Variants in CNTN5 observed in about 807,000 individuals in gnomAD.
CNTN5 encodes contactin 5.
CNTN5 carries 77 observed loss-of-function variants against 129.1 expected under a neutral mutation model. That is an observed-to-expected ratio of 0.60 (90% CI 0.50 to 0.72). CNTN5 has a LOEUF of 0.72. CNTN5 is among the 30% of genes least tolerant of loss of function. The probability of loss-of-function intolerance (pLI) is 0.00; values close to 1 mark genes in which losing one functional copy is unlikely to be tolerated. For missense variants in CNTN5, 1,478 were observed against 1,328.8 expected (o/e 1.11, Z -1.75); for synonymous variants, 509 against 465.6 (o/e 1.09, Z -1.20).
intron 3 of CNTN5, among the ~76,000 whole-genome samples, chr11:99,658,296 A>G (rs1307249850): frequency 1.3e-5 from 2 of 152,266 alleles, no homozygotes; most frequent in East Asian, 1.9e-4. Context: ...TAAATAATTG[A>G]TAATACAAAA....
chr11:100,259,090 G>A (rs1950141970), intron 17 of CNTN5, among the ~76,000 whole-genome samples: 1 of 152,074 alleles, frequency 6.6e-6, no homozygotes, highest in Non-Finnish European at 1.5e-5. Context: ...AAAATAAAGG[G>A]ATGGAGAAAG....
chr11:99,381,170 A>G (rs1940535250), intron 2 of CNTN5, among the ~76,000 whole-genome samples: 2 of 147,716 alleles, frequency 1.4e-5, no homozygotes, highest in South Asian at 2.2e-4. Flanking sequence ...GAAAAAAAAA[A>G]CAAACCAAAT....
At chr11:99,523,124 G>A (rs1947330608) in intron 2 of CNTN5, among the ~76,000 whole-genome samples, 1 of 152,150 alleles carries the variant, frequency 6.6e-6, no homozygotes, top group African/African-American at 2.4e-5. Flanking sequence ...TACTTGAAAT[G>A]ACTTTCCCTC....
chr11:100,335,472 C>A (rs1952015862), intron 21 of CNTN5, among the ~76,000 whole-genome samples: 1 of 152,082 alleles, frequency 6.6e-6, no homozygotes, highest in Non-Finnish European at 1.5e-5. Flanking sequence ...AGAGTGTCTA[C>A]TAAGAAGAAC....
chr11:100,003,618 C>G (rs1000287445), intron 9 of CNTN5, among the ~76,000 whole-genome samples: 1 of 152,212 alleles, frequency 6.6e-6, no homozygotes, highest in Non-Finnish European at 1.5e-5. Context: ...CCCAGGCAAG[C>G]TTATTTAATA....
At chr11:99,319,319 C>T (rs912666533) in intron 1 of CNTN5, among the ~76,000 whole-genome samples, 41 of 152,144 alleles carry the variant, frequency 2.7e-4, no homozygotes, top group African/African-American at 9.7e-4. Context: ...CTCAACTGAT[C>T]TCCCTGGTCA....
intron 3 of CNTN5, among the ~76,000 whole-genome samples, chr11:99,707,234 G>A (rs891080609): frequency 4.0e-5 from 6 of 151,278 alleles, no homozygotes; most frequent in Non-Finnish European, 7.4e-5. Context: ...CAAATGCACT[G>A]GAGAAGATAA....
intron 2 of CNTN5, among the ~76,000 whole-genome samples, chr11:99,537,166 T>C (rs1002102896): frequency 1.3e-5 from 2 of 152,140 alleles, no homozygotes; most frequent in African/African-American, 4.8e-5. Flanking sequence ...ACCTGGATGG[T>C]CTAACCACAG....
intron 1 of CNTN5, chr11:99,120,186 A>G (rs1325329531): frequency 2.0e-5 from 3 of 152,158 alleles, no homozygotes; most frequent in African/African-American, 7.2e-5. Context: ...GTTTCTCATG[A>G]AATCTGGGTG....
intron 18 of CNTN5, among the ~76,000 whole-genome samples, chr11:100,274,874 C>G (rs1364086486): frequency 6.6e-6 from 1 of 152,172 alleles, no homozygotes; most frequent in Non-Finnish European, 1.5e-5. Context: ...ACCCGATACT[C>G]CCATTACTGG....
At chr11:99,810,223 A>G (rs562986370) in intron 3 of CNTN5, among the ~76,000 whole-genome samples, 3 of 152,304 alleles carry the variant, frequency 2.0e-5, no homozygotes, top group South Asian at 2.1e-4. Flanking sequence ...CTAAGAATTT[A>G]CTATTTAGAA....
chr11:99,941,984 C>T (rs1174054790), intron 7 of CNTN5, among the ~76,000 whole-genome samples: 28 of 152,002 alleles, frequency 1.8e-4, no homozygotes, highest in Admixed American at 1.8e-3. Context: ...CCAAACACTG[C>T]ATTCATCATC....
intron 21 of CNTN5, among the ~76,000 whole-genome samples, chr11:100,327,549 TCC>T (rs930113000): frequency 2.0e-5 from 3 of 152,160 alleles, no homozygotes; most frequent in African/African-American, 7.2e-5. Context: ...ATATATAGCT[TCC>T]CATAAACCTC....
intron 6 of CNTN5, among the ~76,000 whole-genome samples, chr11:99,900,775 A>G (rs1400755338): frequency 6.6e-6 from 1 of 152,166 alleles, no homozygotes; most frequent in East Asian, 1.9e-4. Flanking sequence ...ATTGATATTG[A>G]TACATGATGT....
In CNTN5 at chr11:99,767,872, G is replaced by GT. The variant is rs201109960; in HGVS notation, c.56-51666dup. Among the ~76,000 whole-genome samples, 1,498 of 152,000 alleles carry GT rather than the reference G, an allele frequency of 9.9e-3. 11 individuals are homozygous for GT. Among genetic ancestry groups the GT allele is most frequent in the Non-Finnish European group, 0.016 (1,069 of 67,898 alleles). On this transcript the variant is annotated intron_variant, in intron 3 of 24. Coordinates refer to ENST00000524871, the MANE Select transcript of CNTN5 (RefSeq NM_014361.4). ...AGTACAGAATTGTCATTTCTCCTATGTTTTTTATTTTAAATATTTTCAAAA... is the reference window on the plus strand; with the variant it reads ...AGTACAGAATTGTCATTTCTCCTATGTTTTTTTATTTTAAATATTTTCAAAA...
intron 13 of CNTN5, among the ~76,000 whole-genome samples, chr11:100,100,701 G>A (rs149997624): frequency 7.2e-5 from 11 of 152,176 alleles, no homozygotes; most frequent in Non-Finnish European, 1.2e-4. Flanking sequence ...TATTTCAGAC[G>A]TCTTCTTGGC....
intron 9 of CNTN5, among the ~76,000 whole-genome samples, chr11:100,007,982 T>G (rs1433097866): frequency 1.3e-5 from 2 of 152,026 alleles, no homozygotes; most frequent in Admixed American, 1.3e-4. Context: ...TTAATATTAT[T>G]GTGTCTCAGG....
intron 13 of CNTN5, among the ~76,000 whole-genome samples, chr11:100,079,095 C>T (rs369733440): frequency 8.5e-5 from 13 of 152,124 alleles, no homozygotes; most frequent in East Asian, 7.8e-4. Flanking sequence ...TTCCCTATCA[C>T]GAGAACAGCG....
chr11:99,576,701 A>G (rs939693085), intron 3 of CNTN5, among the ~76,000 whole-genome samples: 13 of 152,174 alleles, frequency 8.5e-5, no homozygotes, highest in African/African-American at 3.1e-4. Flanking sequence ...TCCAAAATCC[A>G]GTTGCCTGCA....
Sources: gnomAD v4.1 joint callset for allele counts (sites outside exome capture counted in the v4.1 genomes callset) on GRCh38, gnomAD v4.1.1 for gene constraint, MANE v1.5 for transcripts, NCBI Gene and HGNC (gene_info 2026-07-23, HGNC 2026-07-21) for gene names.